DAZL: variants seen among roughly 807,000 people sequenced by gnomAD.
DAZL encodes deleted in azoospermia-like.
Under a neutral mutation model 45.0 loss-of-function variants are expected in DAZL, and 4 were observed. The ratio of observed to expected loss-of-function variants is 0.09; its 90% CI spans 0.04 to 0.20. The LOEUF (loss-of-function observed/expected upper bound fraction) is 0.20, where lower values mean the gene tolerates loss of function less well. Ranked by LOEUF, DAZL falls within the 10% of genes least tolerant of loss-of-function variation. DAZL has a pLI of 1.00. For synonymous variants in DAZL, 122 were observed against 112.4 expected (o/e 1.09, Z -0.54); for missense variants, 326 against 351.3 (o/e 0.93, Z 0.58).
intron 6 of DAZL, among the ~76,000 whole-genome samples, 186 bp from the exon 7 acceptor site, chr3:16,595,571 G>A (rs1443427680): frequency 6.6e-6 from 1 of 151,964 alleles, no homozygotes; most frequent in African/African-American, 2.4e-5. Context: ...GTTACCCTTT[G>A]GGTGGGGAGG....
chr3:16,589,996 T>G (rs1694492881), intron 10 of DAZL, among the ~76,000 whole-genome samples: 3 of 152,082 alleles, frequency 2.0e-5, no homozygotes, highest in Admixed American at 6.6e-5. Context: ...ATCCCTTGCG[T>G]CAGGAGTTTG....
rs139840516 is a variant in DAZL, at chr3:16,597,034, A to T, written c.312T>A (p.His104Gln). Reference protein sequence around the residue: ...QKIVESQINFHGKKLKLGPAI... With the variant: ...QKIVESQINFQGKKLKLGPAI... The stretch of plus-strand genomic sequence containing the variant: ...CAGGGCCCAGCTTCAGCTTTTTACC[A>T]TGGAAATTTATCTGTGACTGAAAAT... The change falls in exon 5 of 11, where the codon CAT becomes CAA. Residue 104 changes from histidine (H) to glutamine (Q), a missense_variant. Transcript: ENST00000399444. 1.2e-6 allele frequency: 2 copies of T among 1,611,658 alleles called. No homozygotes were observed. Among genetic ancestry groups the T allele is most frequent in the Admixed American group, 3.3e-5 (2 of 60,010 alleles).
At position 16,605,273 on chromosome 3, in the gene DAZL, C is replaced by T. The variant is rs1253014172; in HGVS notation, c.-68G>A. 1 of 1,601,128 alleles carries T rather than the reference C, an allele frequency of 6.2e-7. No homozygotes were observed. Among genetic ancestry groups the T allele is most frequent in the East Asian group, 2.2e-5 (1 of 44,814 alleles). On this transcript the variant is annotated 5_prime_UTR_variant, in exon 1 of 11. Coordinates refer to ENST00000399444, the MANE Select transcript of DAZL (RefSeq NM_001351.4). ...AGAGGCTGTGCTTGGCGCACCACTTCTGGGGCTGCTGTGAGGTCCGCTGGA... is the reference window on the plus strand; with the variant it reads ...AGAGGCTGTGCTTGGCGCACCACTTTTGGGGCTGCTGTGAGGTCCGCTGGA...
At chr3:16,592,655 G>T (rs1224679758) in intron 9 of DAZL, among the ~76,000 whole-genome samples, 4 of 151,860 alleles carry the variant, frequency 2.6e-5, no homozygotes, top group Admixed American at 2.6e-4. Context: ...TTCTGACAAA[G>T]ATTTTAGAAC....
chr3:16,589,997 C>G (rs182160139), intron 10 of DAZL, among the ~76,000 whole-genome samples: 10 of 152,062 alleles, frequency 6.6e-5, no homozygotes, highest in Admixed American at 6.6e-4. Flanking sequence ...TCCCTTGCGT[C>G]AGGAGTTTGA....
At chr3:16,600,448 A>G (rs1253531015) in intron 1 of DAZL, among the ~76,000 whole-genome samples, 1 of 152,140 alleles carries the variant, frequency 6.6e-6, no homozygotes, top group African/African-American at 2.4e-5. Flanking sequence ...CTTTCTTTTA[A>G]TAGTGGTATT....
At position 16,588,715 on chromosome 3, in the gene DAZL, T is replaced by C; in HGVS notation, c.835-2A>G. ...TCTAAAGTGATGCACTCTTTTATCCTGGAAAAGACAGAAAGAGTCCTTTTA... is the reference window on the plus strand; with the variant it reads ...TCTAAAGTGATGCACTCTTTTATCCCGGAAAAGACAGAAAGAGTCCTTTTA... On this transcript the variant is annotated splice_acceptor_variant, in intron 10 of 10. Transcript: ENST00000399444. LOFTEE classifies it high-confidence loss of function. 1 of 1,610,088 alleles carries C rather than the reference T, an allele frequency of 6.2e-7. No homozygotes were observed. Among genetic ancestry groups the C allele is most frequent in the Non-Finnish European group, 8.5e-7 (1 of 1,176,776 alleles).
At chr3:16,593,244 T>C (rs1694547926) in intron 9 of DAZL, among the ~76,000 whole-genome samples, 1 of 152,220 alleles carries the variant, frequency 6.6e-6, no homozygotes, top group Non-Finnish European at 1.5e-5. Flanking sequence ...AACTGGAATA[T>C]AGGAAAGGAC....
Position 16,588,754 on chromosome 3 carries a change from T to C in DAZL, c.835-41A>G, listed in dbSNP as rs529727839. ...AGAGTCCTTTTACTTTACTGAAAAT[T>C]TCTGATTACTACTATAGATCTGAAA... is the stretch of plus-strand genomic sequence containing the variant. On this transcript the variant is annotated intron_variant, in intron 10 of 10. Transcript: ENST00000399444. 3.4e-5 allele frequency: 51 copies of C among 1,502,104 alleles called. 1 individual carries two copies. In the South Asian group the frequency reaches 5.4e-4, roughly 16 times the overall value. 93.0% of individuals were successfully genotyped at this position (1,502,104 alleles called of 1,614,324 possible). A position where few individuals can be genotyped will look rare whatever the true frequency, so the allele number is the denominator to read the frequency against.
intron 10 of DAZL, among the ~76,000 whole-genome samples, chr3:16,590,144 A>C (rs1375843718): frequency 2.0e-5 from 3 of 150,190 alleles, no homozygotes; most frequent in African/African-American, 7.3e-5. Flanking sequence ...ACACCTATGT[A>C]ATCATCAGAA....
chr3:16,596,747 T>C lies in DAZL; in HGVS notation c.498+3A>G, dbSNP rs369675945. On this transcript the variant is annotated splice_donor_region_variant and intron_variant, in intron 6 of 10. Transcript: ENST00000399444. Reference sequence around the variant, plus strand: ...GAGAATAGGAACGTTAAGCAATTCTTACCTGAACATACTGAGTTATAGGAT... The same window carrying C: ...GAGAATAGGAACGTTAAGCAATTCTCACCTGAACATACTGAGTTATAGGAT... 18 of 1,613,504 alleles carry C rather than the reference T, an allele frequency of 1.1e-5. No individual in the cohort carries two copies. Among genetic ancestry groups the C allele is most frequent in the African/African-American group, 6.7e-5 (5 of 74,920 alleles).
chr3:16,604,293 G>A, intron 1 of DAZL: 1 of 680,486 alleles, frequency 1.5e-6, no homozygotes, highest in East Asian at 2.9e-5. Flanking sequence ...AGCAACGCTA[G>A]GCATTTACCA....
rs1301378668 is a variant in DAZL, at chr3:16,587,041, G to T, written c.*1619C>A. 4 of 152,138 alleles carry T rather than the reference G, an allele frequency of 2.6e-5. No individual in the cohort carries two copies. The East Asian group carries it at 7.7e-4, about 29-fold the overall frequency. The allele number at this position is 152,138 out of a possible 1,614,324, so 9.4% of individuals were successfully genotyped here. ...ATATAGATATCATTTATAGTAAGCTGGAGATTTAATCACAGAATGATATGT... is the reference window on the plus strand; with the variant it reads ...ATATAGATATCATTTATAGTAAGCTTGAGATTTAATCACAGAATGATATGT... On this transcript the variant is annotated 3_prime_UTR_variant, in exon 11 of 11. Coordinates refer to ENST00000399444, the MANE Select transcript of DAZL (RefSeq NM_001351.4).
chr3:16,604,316 C>T, intron 1 of DAZL: 1 of 850,382 alleles, frequency 1.2e-6, no homozygotes, highest in Non-Finnish European at 1.8e-6. Flanking sequence ...CTCACAAAAA[C>T]GCACACCCAA....
rs1694447107 is a variant in DAZL at position 16,586,975 on chromosome 3, C to A, written c.*1685G>T. The A allele has an allele frequency of 6.6e-6, 1 of 152,118 alleles. No individual in the cohort carries two copies. The highest frequency in any genetic ancestry group is 1.5e-5 in the Non-Finnish European group (1 of 67,974). The allele number at this position is 152,118 out of a possible 1,614,324, so 9.4% of individuals were successfully genotyped here. ...GACAAAAATTTATTCCCTTACTTTT[C>A]CTTAAGGTCATATTGGAATAATTAG... On this transcript the variant is annotated 3_prime_UTR_variant, in exon 11 of 11. Coordinates refer to ENST00000399444, the MANE Select transcript of DAZL (RefSeq NM_001351.4).
At chr3:16,596,543 TAAAGAC>T (rs1694602886) in intron 6 of DAZL, among the ~76,000 whole-genome samples, 1 of 152,014 alleles carries the variant, frequency 6.6e-6, no homozygotes, top group African/African-American at 2.4e-5. Flanking sequence ...ATTTCTAAGA[TAAAGAC>T]AAAGTATACA....
Position 16,598,368 on chromosome 3 carries a change from AAAAAAACCTT to A in DAZL, c.150+74_150+83del, listed in dbSNP as rs1473770852. 3.2e-6 allele frequency: 5 copies of A among 1,557,716 alleles called. No individual in the cohort carries two copies. The African/African-American group carries it at 6.8e-5, about 21-fold the overall frequency. On this transcript the variant is annotated intron_variant, in intron 2 of 10. Coordinates refer to ENST00000399444, the MANE Select transcript of DAZL (RefSeq NM_001351.4). Reference sequence around the variant, plus strand: ...CCAATTCTAAACCTCCATGAAGTACAAAAAAACCTTAAGTTTGTAACAGGGCCCAAATCCC... The same window carrying A: ...CCAATTCTAAACCTCCATGAAGTACAAAGTTTGTAACAGGGCCCAAATCCC...
At chr3:16,597,953 A>G in intron 3 of DAZL, 134 bp downstream of exon 3, 1 of 971,350 alleles carries the variant, frequency 1.0e-6, no homozygotes, top group Non-Finnish European at 1.5e-6. Flanking sequence ...AGCTGGCAAT[A>G]AACTTTTATC....
chr3:16,593,569 C>G, intron 9 of DAZL, 86 bp downstream of exon 9: 3 of 885,776 alleles, frequency 3.4e-6, no homozygotes, highest in Non-Finnish European at 5.3e-6. Context: ...CAAATTTCTG[C>G]TGAAGGATGA....
Sources: allele counts gnomAD v4.1 joint callset (sites outside exome capture counted in the v4.1 genomes callset), GRCh38; gene constraint gnomAD v4.1.1; transcripts MANE v1.5; gene names NCBI Gene and HGNC (gene_info 2026-07-23, HGNC 2026-07-21).